Variants in DPP10 observed in about 807,000 individuals in gnomAD.
DPP10 encodes the protein dipeptidyl peptidase like 10.
In DPP10, 33 loss-of-function variants were observed where a neutral mutation model predicts 120.9. The observed-to-expected ratio is 0.27, with a 90% CI of 0.21 to 0.37. The LOEUF (loss-of-function observed/expected upper bound fraction) is 0.37, where lower values mean the gene tolerates loss of function less well. Ranked by LOEUF, DPP10 falls within the 10% of genes least tolerant of loss-of-function variation. The pLI is 1.00. For synonymous variants in DPP10, 337 were observed against 326.1 expected, an observed-to-expected ratio of 1.03 and a Z score of -0.36; for missense variants, 816 against 942.8, an observed-to-expected ratio of 0.87 and a Z score of 1.76.
intron 3 of DPP10, among the ~76,000 whole-genome samples, chr2:115,396,536 G>A: frequency 6.6e-6 from 1 of 152,186 alleles, no homozygotes; most frequent in East Asian, 1.9e-4. Context: ...TCACCTTGGA[G>A]TAATATACAA....
At chr2:115,739,677 G>A in intron 8 of DPP10, 62 bp from the exon 9 acceptor site, 4 of 1,536,154 alleles carry the variant, frequency 2.6e-6, no homozygotes, top group South Asian at 1.2e-5. Flanking sequence ...AAGGACAGAT[G>A]TTTGTGGGTC....
In DPP10 at chr2:115,440,332, G is replaced by A. The variant is rs892687860; in HGVS notation, c.272-59178G>A. ...ACATTGGTTTTCAGAAAGTTCAATG[G>A]CATATTCCGCTGTATGAGCCATGCA... On this transcript the variant is annotated intron_variant, in intron 3 of 25. Coordinates refer to ENST00000410059, the MANE Select transcript of DPP10 (RefSeq NM_020868.6). 6.6e-5 allele frequency among the ~76,000 whole-genome samples: 10 copies of A among 152,172 alleles called. No homozygotes were observed. In the East Asian group the frequency reaches 1.7e-3, roughly 26 times the overall value.
chr2:115,490,551 A>G (rs950907966), intron 3 of DPP10, among the ~76,000 whole-genome samples: 6 of 151,840 alleles, frequency 4.0e-5, no homozygotes, highest in African/African-American at 1.2e-4. Flanking sequence ...TGGTAACCCA[A>G]CTCCCTTCAG....
intron 1 of DPP10, among the ~76,000 whole-genome samples, chr2:114,968,738 T>G (rs1558936259): frequency 2.0e-5 from 3 of 152,232 alleles, no homozygotes. Flanking sequence ...GCCAAACGTT[T>G]ACTAATTTTT....
intron 1 of DPP10, among the ~76,000 whole-genome samples, chr2:114,589,126 T>C (rs1199934625): frequency 2.0e-5 from 3 of 151,956 alleles, no homozygotes; most frequent in African/African-American, 7.3e-5. Context: ...ATCCTGTACA[T>C]TTTGTGAGTG....
intron 4 of DPP10, among the ~76,000 whole-genome samples, chr2:115,501,255 A>G (rs575766551): frequency 7.2e-5 from 11 of 152,078 alleles, no homozygotes; most frequent in Non-Finnish European, 1.3e-4. Flanking sequence ...ATCACTAATT[A>G]TGTTTTGGTT....
intron 2 of DPP10, among the ~76,000 whole-genome samples, chr2:115,332,888 A>C (rs923019536): frequency 2.0e-5 from 3 of 151,996 alleles, no homozygotes; most frequent in African/African-American, 7.2e-5. Flanking sequence ...GTGCTGAAAA[A>C]ATGTATATTC....
chr2:115,448,347 C>G (rs1034913974), intron 3 of DPP10, among the ~76,000 whole-genome samples: 1 of 152,160 alleles, frequency 6.6e-6, no homozygotes, highest in Non-Finnish European at 1.5e-5. Flanking sequence ...ATGACAAACA[C>G]TACCATAAGA....
intron 1 of DPP10, among the ~76,000 whole-genome samples, chr2:114,826,018 A>G (rs1325868070): frequency 1.3e-5 from 2 of 152,250 alleles, no homozygotes; most frequent in Non-Finnish European, 2.9e-5. Flanking sequence ...AATTGCTGCA[A>G]TAATTCTGAC....
intron 3 of DPP10, among the ~76,000 whole-genome samples, chr2:115,472,691 AG>A (rs1231619701): frequency 6.6e-6 from 1 of 152,184 alleles, no homozygotes; most frequent in Non-Finnish European, 1.5e-5. Context: ...CATCTTTACT[AG>A]GTGAAGAATG....
chr2:114,455,461 C>A (rs1678519527), intron 1 of DPP10, among the ~76,000 whole-genome samples: 1 of 151,812 alleles, frequency 6.6e-6, no homozygotes, highest in African/African-American at 2.4e-5. Context: ...AGGAGAATCG[C>A]CTGAACCTGG....
At chr2:114,709,108 C>T (rs185594428) in intron 1 of DPP10, among the ~76,000 whole-genome samples, 1 of 152,144 alleles carries the variant, frequency 6.6e-6, no homozygotes, top group South Asian at 2.1e-4. Flanking sequence ...GCTGGCCCTT[C>T]AAGCCAAGCC....
At chr2:114,888,582 GA>G (rs1457318350) in intron 1 of DPP10, among the ~76,000 whole-genome samples, 1 of 152,216 alleles carries the variant, frequency 6.6e-6, no homozygotes, top group Non-Finnish European at 1.5e-5. Flanking sequence ...CTTGTAGATA[GA>G]ACTTGAATTT....
chr2:115,741,366 T>C (rs1405787163), intron 9 of DPP10, among the ~76,000 whole-genome samples: 5 of 151,622 alleles, frequency 3.3e-5, no homozygotes, highest in Non-Finnish European at 7.4e-5. Flanking sequence ...AAAAAAATAC[T>C]AAGAGATTTT....
At chr2:114,955,835 G>C (rs1404946172) in intron 1 of DPP10, among the ~76,000 whole-genome samples, 1 of 152,038 alleles carries the variant, frequency 6.6e-6, no homozygotes, top group Non-Finnish European at 1.5e-5. Flanking sequence ...TAGAATGAAG[G>C]ACTAAGCTAT....
chr2:114,466,811 A>G (rs1264602922), intron 1 of DPP10, among the ~76,000 whole-genome samples: 1 of 152,146 alleles, frequency 6.6e-6, no homozygotes, highest in Non-Finnish European at 1.5e-5. Context: ...TGGGAGGCTG[A>G]GGTGGGTGGG....
intron 3 of DPP10, among the ~76,000 whole-genome samples, chr2:115,475,830 G>T (rs1208964810): frequency 6.6e-6 from 1 of 152,110 alleles, no homozygotes; most frequent in African/African-American, 2.4e-5. Context: ...TGCTTTTCTG[G>T]GTTTCAGACT....
At chr2:114,947,744 T>C (rs1697473859) in intron 1 of DPP10, among the ~76,000 whole-genome samples, 1 of 152,104 alleles carries the variant, frequency 6.6e-6, no homozygotes, top group Non-Finnish European at 1.5e-5. Flanking sequence ...AACATACTTA[T>C]GTTTTTAAAT....
intron 1 of DPP10, among the ~76,000 whole-genome samples, chr2:114,541,347 TG>T (rs1329233781): frequency 6.6e-6 from 1 of 152,034 alleles, no homozygotes; most frequent in Non-Finnish European, 1.5e-5. Context: ...CACTGGGAGG[TG>T]ACTCTTGGAC....
Sources: allele counts gnomAD v4.1 joint callset (sites outside exome capture counted in the v4.1 genomes callset), GRCh38; gene constraint gnomAD v4.1.1; transcripts MANE v1.5; gene names NCBI Gene and HGNC (gene_info 2026-07-23, HGNC 2026-07-21).